Variants in LYN observed in about 807,000 individuals in gnomAD.
LYN encodes the protein tyrosine-protein kinase Lyn.
Under a neutral mutation model 65.0 loss-of-function variants are expected in LYN, and 12 were observed. The observed-to-expected ratio is 0.18, with a 90% CI of 0.12 to 0.30. The LOEUF is 0.30. Ranked by LOEUF, LYN falls within the 10% of genes least tolerant of loss-of-function variation. LYN has a pLI of 1.00. For missense variants in LYN, 380 were observed against 623.2 expected, an observed-to-expected ratio of 0.61 and a Z score of 4.16; for synonymous variants, 222 against 221.2, an observed-to-expected ratio of 1.00 and a Z score of -0.03.
At chr8:55,940,676 TTTG>T (rs1260009822) in intron 1 of LYN, among the ~76,000 whole-genome samples, 1 of 152,204 alleles carries the variant, frequency 6.6e-6, no homozygotes, top group African/African-American at 2.4e-5. Flanking sequence ...GCCCGGCTGT[TTTG>T]TTTTTAATGC....
chr8:56,003,606 CAG>C (rs1246642296), intron 12 of LYN, among the ~76,000 whole-genome samples: 3 of 150,974 alleles, frequency 2.0e-5, no homozygotes, highest in African/African-American at 4.9e-5. Context: ...ACCCAGGAGA[CAG>C]AAGTTGCAGT....
chr8:55,909,739 TG>T (rs1279055151), intron 1 of LYN, among the ~76,000 whole-genome samples: 1 of 152,206 alleles, frequency 6.6e-6, no homozygotes, highest in East Asian at 1.9e-4. Flanking sequence ...CATTGCCTTT[TG>T]TCTGCAACCT....
chr8:55,941,471 C>T (rs1037377847), intron 1 of LYN, among the ~76,000 whole-genome samples: 8 of 152,156 alleles, frequency 5.3e-5, no homozygotes, highest in African/African-American at 1.9e-4. Flanking sequence ...GCTGCCATCC[C>T]GCCCATTTCA....
intron 1 of LYN, among the ~76,000 whole-genome samples, chr8:55,881,959 A>G (rs1457424594): frequency 3.3e-5 from 5 of 152,224 alleles, no homozygotes; most frequent in African/African-American, 1.2e-4. Context: ...AACTGAGGAC[A>G]TAGGGAGATG....
At chr8:55,967,734 A>G (rs1232633167) in intron 9 of LYN, among the ~76,000 whole-genome samples, 1 of 152,244 alleles carries the variant, frequency 6.6e-6, no homozygotes, top group African/African-American at 2.4e-5. Flanking sequence ...CTATGTAATC[A>G]TAGAATTGCT....
intron 8 of LYN, among the ~76,000 whole-genome samples, chr8:55,959,622 G>A (rs1469221227): frequency 6.6e-6 from 1 of 152,086 alleles, no homozygotes; most frequent in East Asian, 1.9e-4. Context: ...TTTATTTTGA[G>A]ATAATTGTGG....
chr8:55,881,401 G>C (rs1249071277), intron 1 of LYN, among the ~76,000 whole-genome samples: 1 of 152,208 alleles, frequency 6.6e-6, no homozygotes, highest in Non-Finnish European at 1.5e-5. Flanking sequence ...CTAAAGCCAT[G>C]CCCTGGGGAA....
At chr8:55,950,928 C>T (rs16922470) in intron 6 of LYN, 144 bp downstream of exon 6, 29,371 of 635,082 alleles carry the variant, frequency 0.046, 1,784 homozygotes, top group African/African-American at 0.23. Context: ...AATAACAAAC[C>T]TCAGTGATTA....
chr8:55,970,445 C>T (rs1807580665), intron 10 of LYN, among the ~76,000 whole-genome samples: 1 of 152,208 alleles, frequency 6.6e-6, no homozygotes, highest in Non-Finnish European at 1.5e-5. Flanking sequence ...ATGATGCCAG[C>T]TGCTGGCTTT....
At chr8:55,916,181 T>G (rs1453542236) in intron 1 of LYN, among the ~76,000 whole-genome samples, 2 of 152,138 alleles carry the variant, frequency 1.3e-5, no homozygotes, top group Non-Finnish European at 2.9e-5. Context: ...ATTGAGATGA[T>G]CATTGGCTAA....
At chr8:55,881,260 T>C (rs1367413456) in intron 1 of LYN, among the ~76,000 whole-genome samples, 1 of 152,210 alleles carries the variant, frequency 6.6e-6, no homozygotes, top group African/African-American at 2.4e-5. Flanking sequence ...TCTGACCTTA[T>C]TAGTAAATCT....
chr8:56,003,197 C>T (rs570313779), intron 12 of LYN, among the ~76,000 whole-genome samples: 1 of 151,756 alleles, frequency 6.6e-6, no homozygotes, highest in African/African-American at 2.4e-5. Flanking sequence ...GTAGCTGGGA[C>T]TACAGGTGCC....
At chr8:55,964,591 G>A (rs1807393123) in intron 8 of LYN, among the ~76,000 whole-genome samples, 1 of 152,092 alleles carries the variant, frequency 6.6e-6, no homozygotes, top group African/African-American at 2.4e-5. Context: ...ACTTGGCTGG[G>A]CACAGTGGCT....
intron 1 of LYN, among the ~76,000 whole-genome samples, chr8:55,920,458 G>A (rs772957500): frequency 3.9e-5 from 6 of 152,144 alleles, no homozygotes; most frequent in Non-Finnish European, 5.9e-5. Flanking sequence ...GGGAAGTAAC[G>A]CATTGTTTAC....
intron 1 of LYN, among the ~76,000 whole-genome samples, chr8:55,903,125 G>A (rs893804866): frequency 3.9e-5 from 6 of 152,148 alleles, no homozygotes; most frequent in Non-Finnish European, 7.3e-5. Flanking sequence ...GGGATTACAT[G>A]CGTGAGCCAC....
rs142191333 is a variant in LYN, at chr8:55,887,741, C to T, written c.-6+7638C>T. ...TCCTGTGCTTCAGCCTCCTGAGTAG[C>T]TGGAATTACAGGCACACACCACCAT... On this transcript the variant is annotated intron_variant, in intron 1 of 12. Transcript: ENST00000519728. Among the ~76,000 whole-genome samples the T allele has an allele frequency of 5.2e-3, 789 of 151,612 alleles. 6 individuals carry two copies. The highest frequency in any genetic ancestry group is 0.018 in the African/African-American group (736 of 41,294).
intron 1 of LYN, among the ~76,000 whole-genome samples, chr8:55,889,969 G>A (rs900872571): frequency 1.3e-5 from 2 of 151,954 alleles, no homozygotes; most frequent in Non-Finnish European, 2.9e-5. Context: ...GTAGTCATTG[G>A]TATTGTTATC....
At chr8:55,965,706 G>A (rs975201831) in intron 8 of LYN, among the ~76,000 whole-genome samples, 5 of 152,116 alleles carry the variant, frequency 3.3e-5, no homozygotes, top group Non-Finnish European at 7.3e-5. Context: ...ATTTTAAAAT[G>A]GGGATTATAA....
At chr8:55,980,246 G>C (rs1003272111) in intron 10 of LYN, 2 of 151,744 alleles carry the variant, frequency 1.3e-5, no homozygotes, top group Admixed American at 1.3e-4. Flanking sequence ...TTTTTGAGAT[G>C]GGGTCTCACT....
Sources: allele counts gnomAD v4.1 joint callset (sites outside exome capture counted in the v4.1 genomes callset), GRCh38; gene constraint gnomAD v4.1.1; transcripts MANE v1.5; gene names NCBI Gene and HGNC (gene_info 2026-07-23, HGNC 2026-07-21).